The following SLC24A3 variants were observed in gnomAD, a reference collection of about 807,000 sequenced individuals.
SLC24A3 encodes the protein sodium/potassium/calcium exchanger 3.
A neutral mutation model predicts 75.8 loss-of-function variants in SLC24A3; 28 were observed. The ratio of observed to expected loss-of-function variants is 0.37; its 90% CI spans 0.27 to 0.51. The LOEUF (loss-of-function observed/expected upper bound fraction) is 0.51. Among genes scored for constraint, SLC24A3 ranks in the 20% least tolerant of loss-of-function variants. The pLI is 0.94. For synonymous variants in SLC24A3, 372 were observed against 334.1 expected (o/e 1.11, Z -1.24); for missense variants, 663 against 847.8 (o/e 0.78, Z 2.71).
At chr20:19,635,242 T>G (rs907039155) in intron 6 of SLC24A3, among the ~76,000 whole-genome samples, 1 of 152,212 alleles carries the variant, frequency 6.6e-6, no homozygotes, top group Non-Finnish European at 1.5e-5. Flanking sequence ...TCTAGAGTTT[T>G]TAATGAATTT....
chr20:19,595,407 T>A (rs2031439415), intron 6 of SLC24A3, among the ~76,000 whole-genome samples: 1 of 152,142 alleles, frequency 6.6e-6, no homozygotes, highest in South Asian at 2.1e-4. Flanking sequence ...GATGAGTATA[T>A]GATCAGAGTT....
At chr20:19,584,859 C>A (rs944712541) in intron 4 of SLC24A3, 112 bp from the exon 5 acceptor site, 3 of 901,322 alleles carry the variant, frequency 3.3e-6, no homozygotes, top group East Asian at 2.6e-5. Context: ...GTCCTACTCT[C>A]GCTGAAGCCC....
chr20:19,673,582 G>A lies in SLC24A3; in HGVS notation c.714-19G>A. 2.5e-6 allele frequency: 4 copies of A among 1,612,290 alleles called. No individual in the cohort carries two copies. Among genetic ancestry groups the A allele is most frequent in the South Asian group, 2.2e-5 (2 of 91,022 alleles). On this transcript the variant is annotated intron_variant, in intron 8 of 16. Transcript: ENST00000328041. ...CAGATGTCCATGACTGTCTTTAACT[G>A]TTCTTGGTTTACACACAGGTGGGAG...
chr20:19,720,888 C>T (rs1041954048), intron 16 of SLC24A3, 103 bp from the exon 17 acceptor site: 5 of 1,359,006 alleles, frequency 3.7e-6, no homozygotes, highest in African/African-American at 2.9e-5. Context: ...GCCCGAGGCC[C>T]ATAGTCAGCA....
intron 3 of SLC24A3, 38 bp from the exon 4 acceptor site, chr20:19,579,962 C>T: frequency 6.6e-7 from 1 of 1,509,582 alleles, no homozygotes; most frequent in South Asian, 1.1e-5. Context: ...GGCTCTGCCT[C>T]ACTCTAACTT....
At chr20:19,566,815 G>A (rs2030966230) in intron 3 of SLC24A3, among the ~76,000 whole-genome samples, 1 of 152,180 alleles carries the variant, frequency 6.6e-6, no homozygotes, top group Admixed American at 6.5e-5. Flanking sequence ...TGGCAGCAGG[G>A]CTTCAGGAGG....
intron 2 of SLC24A3, among the ~76,000 whole-genome samples, chr20:19,298,956 C>T (rs1984127038): frequency 1.3e-5 from 2 of 152,184 alleles, no homozygotes; most frequent in Admixed American, 1.3e-4. Flanking sequence ...GCCTGCCCCT[C>T]ACACAGGAAA....
intron 6 of SLC24A3, among the ~76,000 whole-genome samples, chr20:19,615,210 G>A (rs368275814): frequency 4.6e-5 from 7 of 152,176 alleles, no homozygotes; most frequent in East Asian, 1.9e-4. Context: ...ATCAGAGTCC[G>A]GAAGTTGTAA....
At chr20:19,267,518 T>C (rs182887967) in intron 1 of SLC24A3, among the ~76,000 whole-genome samples, 6 of 152,326 alleles carry the variant, frequency 3.9e-5, no homozygotes, top group Admixed American at 3.9e-4. Flanking sequence ...AAAAATCCAT[T>C]TTTTTAAAAT....
intron 2 of SLC24A3, among the ~76,000 whole-genome samples, chr20:19,461,798 G>A (rs1352488289): frequency 2.0e-5 from 3 of 152,060 alleles, no homozygotes; most frequent in African/African-American, 7.2e-5. Flanking sequence ...CTCCCTAAGT[G>A]CTGAAGTTAC....
At chr20:19,612,686 A>T (rs1351751180) in intron 6 of SLC24A3, among the ~76,000 whole-genome samples, 1 of 151,130 alleles carries the variant, frequency 6.6e-6, no homozygotes, top group Non-Finnish European at 1.5e-5. Context: ...GACCACTGTG[A>T]TCACCCCCCC....
chr20:19,490,666 T>G (rs1988196415), intron 2 of SLC24A3, among the ~76,000 whole-genome samples: 1 of 152,200 alleles, frequency 6.6e-6, no homozygotes, highest in Non-Finnish European at 1.5e-5. Context: ...TGTTAAAAAA[T>G]AAACACCATT....
At position 19,471,997 on chromosome 20, in the gene SLC24A3, C is replaced by G. The variant is rs956643528; in HGVS notation, c.272-43491C>G. ...GTAGTTCTTTAAATCCCAAGTTCTC[C>G]TGGGGTTTTAAAATTATTCAATTTT... On this transcript the variant is annotated intron_variant, in intron 2 of 16. Coordinates refer to ENST00000328041, the MANE Select transcript of SLC24A3 (RefSeq NM_020689.4). Among the ~76,000 whole-genome samples, 3 of 152,164 alleles carry G rather than the reference C, an allele frequency of 2.0e-5. No homozygotes were observed. The East Asian group carries it at 5.8e-4, about 29-fold the overall frequency.
intron 6 of SLC24A3, among the ~76,000 whole-genome samples, chr20:19,638,615 A>G (rs949231792): frequency 1.3e-5 from 2 of 152,146 alleles, no homozygotes; most frequent in Non-Finnish European, 2.9e-5. Context: ...ACATATGTCA[A>G]TGCATTTGAT....
chr20:19,672,013 T>C (rs928081289), intron 8 of SLC24A3, among the ~76,000 whole-genome samples: 2 of 152,140 alleles, frequency 1.3e-5, no homozygotes, highest in African/African-American at 4.8e-5. Flanking sequence ...GCGGGGCAGA[T>C]GATCTCCTTT....
chr20:19,594,258 T>G (rs1178787561), intron 6 of SLC24A3, among the ~76,000 whole-genome samples: 1 of 152,156 alleles, frequency 6.6e-6, no homozygotes, highest in Non-Finnish European at 1.5e-5. Flanking sequence ...ATCAACCCCC[T>G]ACACAGGTCA....
At chr20:19,299,989 C>A (rs1458591902) in intron 2 of SLC24A3, among the ~76,000 whole-genome samples, 1 of 152,160 alleles carries the variant, frequency 6.6e-6, no homozygotes, top group Non-Finnish European at 1.5e-5. Context: ...CAAATGTGGA[C>A]ACATCCAACT....
chr20:19,402,321 T>C (rs1251006591), intron 2 of SLC24A3, among the ~76,000 whole-genome samples: 1 of 152,200 alleles, frequency 6.6e-6, no homozygotes, highest in Non-Finnish European at 1.5e-5. Flanking sequence ...CTTTTTCCCC[T>C]AACGATTACA....
chr20:19,484,836 T>A (rs1988106793), intron 2 of SLC24A3, among the ~76,000 whole-genome samples: 1 of 152,206 alleles, frequency 6.6e-6, no homozygotes, highest in Non-Finnish European at 1.5e-5. Context: ...AATTTTGTGC[T>A]GTGTACATTT....
Sources: allele counts gnomAD v4.1 joint callset (sites outside exome capture counted in the v4.1 genomes callset), GRCh38; gene constraint gnomAD v4.1.1; transcripts MANE v1.5; gene names NCBI Gene and HGNC (gene_info 2026-07-23, HGNC 2026-07-21).